The following OSTM1 variants were observed in gnomAD, a reference collection of about 807,000 sequenced individuals.
The protein encoded by OSTM1 is osteopetrosis-associated transmembrane protein 1.
In OSTM1, 26 loss-of-function variants were observed where a neutral mutation model predicts 35.4. That is an observed-to-expected ratio of 0.73 (90% CI 0.54 to 1.02). The LOEUF is 1.02. Ranked by LOEUF, OSTM1 falls within the 50% of genes least tolerant of loss-of-function variation. The pLI is 0.00. For synonymous variants in OSTM1, 181 were observed against 165.0 expected (o/e 1.10, Z -0.75); for missense variants, 366 against 409.6 (o/e 0.89, Z 0.92).
chr6:108,044,240 T>C lies in OSTM1; in HGVS notation c.*545A>G, dbSNP rs1230177665. The stretch of plus-strand genomic sequence containing the variant: ...TACTTTTAAAAATTGTCAGGGAGGT[T>C]TGCAATCAGTGGTTTCAAAAATGAC... On this transcript the variant is annotated 3_prime_UTR_variant, in exon 6 of 6. Transcript: ENST00000193322. 7.2e-5 allele frequency: 11 copies of C among 152,620 alleles called. No individual in the cohort carries two copies. Among genetic ancestry groups the C allele is most frequent in the Admixed American group, 6.5e-4 (10 of 15,272 alleles). The allele number at this position is 152,620 out of a possible 1,614,324, so 9.5% of individuals were successfully genotyped here. A position where few individuals can be genotyped will look rare whatever the true frequency, so the allele number is the denominator to read the frequency against.
intron 3 of OSTM1, among the ~76,000 whole-genome samples, chr6:108,053,312 T>C (rs945407231): frequency 1.3e-5 from 2 of 152,178 alleles, no homozygotes; most frequent in African/African-American, 4.8e-5. Context: ...ACTGAAACTG[T>C]GGAAAGTGAA....
chr6:108,073,176 T>C (rs1772516344), intron 1 of OSTM1, among the ~76,000 whole-genome samples: 1 of 152,232 alleles, frequency 6.6e-6, no homozygotes, highest in African/African-American at 2.4e-5. Flanking sequence ...AATTTATATT[T>C]AGTGCAACTA....
At chr6:108,073,982 GCAA>G (rs1772535153) in intron 1 of OSTM1, among the ~76,000 whole-genome samples, 1 of 152,088 alleles carries the variant, frequency 6.6e-6, no homozygotes, top group Non-Finnish European at 1.5e-5. Context: ...TGGAGGAAGA[GCAA>G]GAGGGTTGGG....
chr6:108,045,358 G>GCGGTT (rs570250505), intron 5 of OSTM1, among the ~76,000 whole-genome samples: 72 of 151,924 alleles, frequency 4.7e-4, no homozygotes, highest in Non-Finnish European at 8.1e-4. Context: ...ACCTGGTCTT[G>GCGGTT]CTTGACATCA....
chr6:108,058,250 T>C (rs959168659), intron 2 of OSTM1, among the ~76,000 whole-genome samples: 12 of 152,088 alleles, frequency 7.9e-5, no homozygotes, highest in South Asian at 2.1e-4. Context: ...AAATAAAGCA[T>C]TTGGCATCTC....
intron 3 of OSTM1, 76 bp downstream of exon 3, chr6:108,054,414 C>A: frequency 1.5e-6 from 1 of 654,686 alleles, no homozygotes; most frequent in Non-Finnish European, 2.7e-6. Flanking sequence ...ATAATTAGTG[C>A]TCTAAAAACT....
chr6:108,069,231 A>G (rs1336829811), intron 1 of OSTM1, among the ~76,000 whole-genome samples: 2 of 152,230 alleles, frequency 1.3e-5, no homozygotes, highest in Non-Finnish European at 2.9e-5. Context: ...CTGCTCATTC[A>G]TGCTATATCC....
rs529301587 is a variant in OSTM1 at position 108,058,990 on chromosome 6, T to C, written c.518-4403A>G. On this transcript the variant is annotated intron_variant, in intron 2 of 5. Transcript: ENST00000193322. ...CCCAGATCACCTGTATCACTGAAGA[T>C]ATAGGTTGCTCATAAAGAAAGAGTT... Among the ~76,000 whole-genome samples, 11 of 152,346 alleles carry C rather than the reference T, an allele frequency of 7.2e-5. No homozygotes were observed. In the South Asian group the frequency reaches 2.3e-3, roughly 32 times the overall value.
chr6:108,045,758 T>C (rs961999403), intron 5 of OSTM1, among the ~76,000 whole-genome samples: 1 of 152,186 alleles, frequency 6.6e-6, no homozygotes, highest in Non-Finnish European at 1.5e-5. Context: ...TTTGTACTTA[T>C]AGTTAAACAT....
At chr6:108,059,509 T>C (rs1194928427) in intron 2 of OSTM1, among the ~76,000 whole-genome samples, 4 of 152,168 alleles carry the variant, frequency 2.6e-5, no homozygotes, top group Non-Finnish European at 5.9e-5. Context: ...TCATGAATAA[T>C]AACTGCAGAG....
At chr6:108,063,354 C>A (rs575607425) in intron 2 of OSTM1, among the ~76,000 whole-genome samples, 1 of 152,140 alleles carries the variant, frequency 6.6e-6, no homozygotes, top group East Asian at 1.9e-4. Context: ...ATAGTACAGG[C>A]CTAGGTTCAA....
In OSTM1 at chr6:108,074,585, G is replaced by A. The variant is rs886060973; in HGVS notation, c.67C>T (p.Leu23=). 4.9e-5 allele frequency: 76 copies of A among 1,565,532 alleles called. No homozygotes were observed. Among genetic ancestry groups the A allele is most frequent in the Non-Finnish European group, 6.4e-5 (74 of 1,159,976 alleles). The part of the protein sequence containing the change: ...SLPPWLPLGL[L]LWSGLALGAL... ...CCCAGGGCCAGCCCCGACCACAGCA[G>A]CAGCCCCAGCGGCAGCCACGGCGGC... The change falls in exon 1 of 6, where the codon CTG becomes TTG. Residue 23 remains leucine, a synonymous_variant. Transcript: ENST00000193322.
rs1254708298 is a variant in OSTM1, at chr6:108,044,370, A to C, written c.*415T>G. 1 of 157,950 alleles carries C rather than the reference A, an allele frequency of 6.3e-6. No homozygotes were observed. The highest frequency in any genetic ancestry group is 1.8e-4 in the East Asian group (1 of 5,508). 9.8% of individuals were successfully genotyped at this position (157,950 alleles called of 1,614,324 possible). A position where few individuals can be genotyped will look rare whatever the true frequency, so the allele number is the denominator to read the frequency against. On this transcript the variant is annotated 3_prime_UTR_variant, in exon 6 of 6. Transcript: ENST00000193322. ...TGGGGGGTAATTAAGCTACTTCCTA[A>C]CAAGTACATTTCTTTTTCAAAGTCT...
chr6:108,068,737 T>G (rs1036932739), intron 1 of OSTM1, among the ~76,000 whole-genome samples: 6 of 152,100 alleles, frequency 3.9e-5, no homozygotes, highest in Non-Finnish European at 8.8e-5. Flanking sequence ...CCTCTCCATT[T>G]TCTGTCACAT....
intron 1 of OSTM1, among the ~76,000 whole-genome samples, chr6:108,065,884 T>G (rs1772367954): frequency 6.6e-6 from 1 of 152,176 alleles, no homozygotes; most frequent in South Asian, 2.1e-4. Context: ...GTGTTCAATG[T>G]GTGGAACAGT....
rs1388570369 is a variant in OSTM1, at chr6:108,074,302, G to A, written c.350C>T (p.Pro117Leu). ...RPVRLCQTCY[P>L]LFQQVVSKMD... is the part of the protein sequence containing the mutation. ...CTTGCTGACGACCTGTTGGAAGAGG[G>A]GGTAGCAGGTCTGACAGAGGCGCAC... Residue 117 changes from proline to leucine, a missense_variant, in exon 1 of 6, where the codon CCC becomes CTC. Physicochemically the swap from Pro to Leu is moderately conservative, Grantham distance 98 (BLOSUM62 -3). This residue lies in a region of OSTM1 where 236 missense variants were observed against 239.3 expected (regional missense o/e 0.99). Transcript: ENST00000193322. 6.2e-7 allele frequency: 1 copy of A among 1,612,420 alleles called. No individual in the cohort carries two copies. The highest frequency in any genetic ancestry group is 8.5e-7 in the Non-Finnish European group (1 of 1,179,944).
intron 5 of OSTM1, among the ~76,000 whole-genome samples, chr6:108,047,380 G>A (rs1353163733): frequency 1.3e-5 from 2 of 152,218 alleles, no homozygotes; most frequent in Non-Finnish European, 2.9e-5. Flanking sequence ...TGGATGTGAC[G>A]AGTTTAGAAA....
chr6:108,068,782 A>G (rs1002912472), intron 1 of OSTM1, among the ~76,000 whole-genome samples: 1 of 152,038 alleles, frequency 6.6e-6, no homozygotes, highest in African/African-American at 2.4e-5. Context: ...AAATCTGATT[A>G]TGTCATTCCA....
At chr6:108,054,161 C>T (rs927605544) in intron 3 of OSTM1, among the ~76,000 whole-genome samples, 14 of 152,312 alleles carry the variant, frequency 9.2e-5, no homozygotes, top group African/African-American at 3.1e-4. Flanking sequence ...AAAATACCTA[C>T]GTAAGTCAGA....
Sources: gnomAD v4.1 joint callset for allele counts (sites outside exome capture counted in the v4.1 genomes callset) on GRCh38, gnomAD v4.1.1 for gene constraint, gnomAD v4.1.1 regional missense constraint, MANE v1.5 for transcripts, NCBI Gene and HGNC (gene_info 2026-07-23, HGNC 2026-07-21) for gene names.